ADGRL3: variants seen among roughly 807,000 people sequenced by gnomAD.
ADGRL3 encodes calcium-independent alpha-latrotoxin receptor 3.
ADGRL3 carries 62 observed loss-of-function variants against 153.5 expected under a neutral mutation model. The observed-to-expected ratio is 0.40, with a 90% CI of 0.33 to 0.50. The LOEUF is 0.50. ADGRL3 is among the 20% of genes least tolerant of loss of function. The pLI is 0.47. For synonymous variants in ADGRL3, 710 were observed against 672.5 expected (o/e 1.06, Z -0.86); for missense variants, 1,641 against 1,859.4 (o/e 0.88, Z 2.16).
intron 13 of ADGRL3, among the ~76,000 whole-genome samples, chr4:61,918,533 C>G (rs2149939142): frequency 6.6e-6 from 1 of 152,032 alleles, no homozygotes; most frequent in South Asian, 2.1e-4. Flanking sequence ...GAACTGAGCC[C>G]CAGGACACTG....
chr4:61,428,071 G>T (rs56127625), intron 2 of ADGRL3: 60,050 of 152,552 alleles, frequency 0.39, 12,388 homozygotes, highest in Middle Eastern at 0.57. Context: ...CAGGGGCTGA[G>T]GACTCACTCA....
chr4:61,358,584 G>A lies in ADGRL3; in HGVS notation c.-239-24540G>A, dbSNP rs537178295. Among the ~76,000 whole-genome samples the A allele has an allele frequency of 9.5e-3, 1,073 of 113,314 alleles. 7 individuals are homozygous for A. The highest frequency in any genetic ancestry group is 0.014 in the Non-Finnish European group (800 of 59,196). 74.3% of individuals were successfully genotyped at this position (113,314 alleles called of 152,430 possible). A position where few individuals can be genotyped will look rare whatever the true frequency, so the allele number is the denominator to read the frequency against. On this transcript the variant is annotated intron_variant, in intron 1 of 26. Coordinates refer to ENST00000683033, the MANE Select transcript of ADGRL3 (RefSeq NM_001387552.1). The stretch of plus-strand genomic sequence containing the variant: ...TGCACTCCAGCCTGGGCGACAGAGC[G>A]AGACTCCGTCTCAAAAAAAAAAAAA...
rs1028882108 is a variant in ADGRL3, at chr4:61,369,689, A to G, written c.-239-13435A>G. Among the ~76,000 whole-genome samples the G allele has an allele frequency of 1.9e-4, 29 of 152,106 alleles. No individual in the cohort carries two copies. In the Middle Eastern group the frequency reaches 0.01, roughly 54 times the overall value. On this transcript the variant is annotated intron_variant, in intron 1 of 26. Coordinates refer to ENST00000683033, the MANE Select transcript of ADGRL3 (RefSeq NM_001387552.1). ...TCATCAAGGATATTGGTCTAAAGTTATCCTTTTTGGTTGTGTCTCTGCCCG... is the reference window on the plus strand; with the variant it reads ...TCATCAAGGATATTGGTCTAAAGTTGTCCTTTTTGGTTGTGTCTCTGCCCG...
intron 2 of ADGRL3, among the ~76,000 whole-genome samples, chr4:61,460,488 T>A (rs2097798065): frequency 6.6e-6 from 1 of 151,364 alleles, no homozygotes; most frequent in South Asian, 2.1e-4. Flanking sequence ...TGTGGAAAGG[T>A]TGATTTCATG....
intron 4 of ADGRL3, among the ~76,000 whole-genome samples, chr4:61,547,543 A>T (rs2098719551): frequency 6.6e-6 from 1 of 152,078 alleles, no homozygotes; most frequent in Non-Finnish European, 1.5e-5. Flanking sequence ...TAGTTTACTT[A>T]GGATAATGTC....
chr4:61,545,061 A>C (rs912303996), intron 4 of ADGRL3, among the ~76,000 whole-genome samples: 1 of 152,212 alleles, frequency 6.6e-6, no homozygotes, highest in South Asian at 2.1e-4. Flanking sequence ...AATCATGCTG[A>C]TATCCAGTCA....
At chr4:61,532,519 C>T (rs1261860417) in intron 4 of ADGRL3, among the ~76,000 whole-genome samples, 2 of 146,716 alleles carry the variant, frequency 1.4e-5, no homozygotes, top group African/African-American at 5.0e-5. Context: ...CTTGTTTCTG[C>T]AGGATGCTGC....
At chr4:61,309,549 A>G (rs922262136) in intron 1 of ADGRL3, among the ~76,000 whole-genome samples, 1 of 152,092 alleles carries the variant, frequency 6.6e-6, no homozygotes. Flanking sequence ...CTAATAAATT[A>G]TCTATAGTAT....
intron 17 of ADGRL3, among the ~76,000 whole-genome samples, chr4:61,954,584 C>T (rs897087259): frequency 4.6e-5 from 7 of 151,908 alleles, no homozygotes; most frequent in Non-Finnish European, 7.4e-5. Flanking sequence ...AATCTTGGCC[C>T]GCATTAGCAT....
chr4:61,746,960 G>C (rs1454192070), intron 8 of ADGRL3, among the ~76,000 whole-genome samples: 2 of 152,068 alleles, frequency 1.3e-5, no homozygotes, highest in African/African-American at 2.4e-5. Flanking sequence ...TAGACTGCCA[G>C]CAAGACTAAT....
intron 6 of ADGRL3, among the ~76,000 whole-genome samples, chr4:61,696,012 G>A (rs1283285616): frequency 6.6e-6 from 1 of 152,154 alleles, no homozygotes; most frequent in Non-Finnish European, 1.5e-5. Flanking sequence ...CTCTGGATTA[G>A]GCTTTGGCTT....
chr4:62,009,996 A>G (rs1312637044), intron 21 of ADGRL3, among the ~76,000 whole-genome samples: 1 of 152,176 alleles, frequency 6.6e-6, no homozygotes, highest in Non-Finnish European at 1.5e-5. Context: ...AGAGATGCAC[A>G]GGGCAAGGTA....
rs1260451057 is a variant in ADGRL3 at position 61,497,517 on chromosome 4, T to C, written c.55+169T>C. Reference sequence around the variant, plus strand: ...TAATGTGTATTTCCTTTTCTTTTCTTTTTTTTTTTTTTTTTTCAGTCAGAG... The same window carrying C: ...TAATGTGTATTTCCTTTTCTTTTCTCTTTTTTTTTTTTTTTTCAGTCAGAG... On this transcript the variant is annotated intron_variant, in intron 3 of 26. Coordinates refer to ENST00000683033, the MANE Select transcript of ADGRL3 (RefSeq NM_001387552.1). Among the ~76,000 whole-genome samples the C allele has an allele frequency of 4.5e-3, 11 of 2,426 alleles. No homozygotes were observed. In the Non-Finnish European group the frequency reaches 0.11, roughly 25 times the overall value. The allele number at this position is 2,426 out of a possible 152,430, so 1.6% of individuals were successfully genotyped here.
chr4:61,563,940 C>A (rs542753577), intron 4 of ADGRL3, among the ~76,000 whole-genome samples: 2 of 152,056 alleles, frequency 1.3e-5, no homozygotes, highest in African/African-American at 4.8e-5. Context: ...CTGGGGGAGG[C>A]GCAGATTGCA....
At chr4:61,382,689 G>A (rs2096685223) in intron 1 of ADGRL3, among the ~76,000 whole-genome samples, 1 of 151,732 alleles carries the variant, frequency 6.6e-6, no homozygotes, top group Non-Finnish European at 1.5e-5. Context: ...ATATGTGTAT[G>A]ATTAGATGTG....
At chr4:61,701,997 G>A (rs2095772059) in intron 6 of ADGRL3, among the ~76,000 whole-genome samples, 1 of 152,084 alleles carries the variant, frequency 6.6e-6, no homozygotes, top group South Asian at 2.1e-4. Flanking sequence ...AAGGAATTAT[G>A]GAATTGTAGA....
intron 5 of ADGRL3, among the ~76,000 whole-genome samples, chr4:61,669,004 G>T (rs1580188387): frequency 6.6e-6 from 1 of 152,114 alleles, no homozygotes; most frequent in African/African-American, 2.4e-5. Flanking sequence ...GGACAATGCG[G>T]TGAGACCCTG....
At chr4:61,412,015 A>G (rs6826349) in intron 2 of ADGRL3, among the ~76,000 whole-genome samples, 4,641 of 152,254 alleles carry the variant, frequency 0.03, 225 homozygotes, top group East Asian at 0.21. Flanking sequence ...TGGATATTAC[A>G]TCATTGCTCA....
chr4:62,028,471 T>A (rs1476364324), intron 21 of ADGRL3, among the ~76,000 whole-genome samples: 1 of 151,754 alleles, frequency 6.6e-6, no homozygotes, highest in Admixed American at 6.6e-5. Flanking sequence ...AGAATACCTT[T>A]AGGTGACATG....
Sources: gnomAD v4.1 joint callset for allele counts (sites outside exome capture counted in the v4.1 genomes callset) on GRCh38, gnomAD v4.1.1 for gene constraint, MANE v1.5 for transcripts, NCBI Gene and HGNC (gene_info 2026-07-23, HGNC 2026-07-21) for gene names.